The following AOPEP variants were observed in gnomAD, a reference collection of about 807,000 sequenced individuals.
AOPEP encodes the protein aminopeptidase O (putative).
Under a neutral mutation model 98.1 loss-of-function variants are expected in AOPEP, and 77 were observed. The ratio of observed to expected loss-of-function variants is 0.78; its 90% CI spans 0.65 to 0.95. The LOEUF is 0.95. AOPEP is among the 40% of genes least tolerant of loss of function. The pLI is 0.00. For missense variants in AOPEP, 1,024 were observed against 1,024.7 expected, an observed-to-expected ratio of 1.00 and a Z score of 0.01; for synonymous variants, 346 against 365.3, an observed-to-expected ratio of 0.95 and a Z score of 0.60.
intron 11 of AOPEP, among the ~76,000 whole-genome samples, chr9:94,983,926 T>C (rs1483841080): frequency 6.6e-6 from 1 of 151,430 alleles, no homozygotes; most frequent in Admixed American, 6.6e-5. Flanking sequence ...CTTATCTCTT[T>C]TGGGCCTTGC....
chr9:94,936,411 A>C (rs538204873), intron 7 of AOPEP, among the ~76,000 whole-genome samples: 1 of 152,180 alleles, frequency 6.6e-6, no homozygotes, highest in South Asian at 2.1e-4. Context: ...GCCAACATAA[A>C]TTTATCTTCC....
At chr9:94,774,591 G>A (rs1841668592) in intron 3 of AOPEP, among the ~76,000 whole-genome samples, 1 of 151,814 alleles carries the variant, frequency 6.6e-6, no homozygotes, top group Non-Finnish European at 1.5e-5. Context: ...TTTTAACATT[G>A]GCACAATATT....
At chr9:94,907,827 C>A (rs2051395634) in intron 5 of AOPEP, among the ~76,000 whole-genome samples, 1 of 152,158 alleles carries the variant, frequency 6.6e-6, no homozygotes, top group Admixed American at 6.5e-5. Flanking sequence ...GGCTACCCTG[C>A]AAATTTAAGG....
intron 3 of AOPEP, among the ~76,000 whole-genome samples, chr9:94,785,297 T>C (rs989243564): frequency 1.3e-5 from 2 of 152,248 alleles, no homozygotes; most frequent in African/African-American, 4.8e-5. Context: ...AGTTCTGTTA[T>C]AGCTGCAAAA....
intron 1 of AOPEP, among the ~76,000 whole-genome samples, chr9:94,729,186 TTA>T (rs1360794279): frequency 6.6e-6 from 1 of 152,144 alleles, no homozygotes; most frequent in East Asian, 1.9e-4. Context: ...AGGTTTGGTT[TTA>T]TAAAAGTTCT....
At chr9:94,954,473 C>T (rs933011674) in intron 7 of AOPEP, among the ~76,000 whole-genome samples, 11 of 152,114 alleles carry the variant, frequency 7.2e-5, no homozygotes, top group African/African-American at 2.6e-4. Context: ...GAAAAAATCG[C>T]AAAAAAATCT....
chr9:94,791,213 A>G (rs1845638857), intron 3 of AOPEP, among the ~76,000 whole-genome samples: 1 of 152,220 alleles, frequency 6.6e-6, no homozygotes, highest in Non-Finnish European at 1.5e-5. Flanking sequence ...GCTGGAGGTC[A>G]TTATCCTAAG....
At chr9:95,143,021 T>C in the AOPEP span, among the ~76,000 whole-genome samples, 1 of 152,172 alleles carries the variant, frequency 6.6e-6, no homozygotes, top group African/African-American at 2.4e-5. Flanking sequence ...CAATCACAGG[T>C]CTAGGCCTCT....
At chr9:95,014,087 A>G (rs770539956) in intron 13 of AOPEP, among the ~76,000 whole-genome samples, 16 of 152,194 alleles carry the variant, frequency 1.1e-4, no homozygotes, top group Non-Finnish European at 1.9e-4. Context: ...TTATTTTACT[A>G]TCTTGTTATC....
chr9:94,862,526 T>G (rs974053543), intron 5 of AOPEP, among the ~76,000 whole-genome samples: 11 of 152,302 alleles, frequency 7.2e-5, no homozygotes, highest in Admixed American at 1.3e-4. Flanking sequence ...CTCTGTTCAT[T>G]ACTGAAACAG....
At chr9:94,898,538 CAGG>C (rs2049900554) in intron 5 of AOPEP, among the ~76,000 whole-genome samples, 1 of 151,840 alleles carries the variant, frequency 6.6e-6, no homozygotes. Flanking sequence ...CGCTTGAAGG[CAGG>C]AGAATCGCTT....
chr9:95,025,120 G>C (rs2063741796), intron 13 of AOPEP, among the ~76,000 whole-genome samples: 1 of 152,138 alleles, frequency 6.6e-6, no homozygotes, highest in African/African-American at 2.4e-5. Flanking sequence ...ATTCTCAATA[G>C]CTTTTCTACA....
chr9:95,092,748 C>T, the AOPEP span, among the ~76,000 whole-genome samples: 1 of 152,164 alleles, frequency 6.6e-6, no homozygotes, highest in African/African-American at 2.4e-5. Context: ...CAGAAAGTTC[C>T]TTTCTGCTCT....
At chr9:94,938,004 G>C (rs1262161179) in intron 7 of AOPEP, among the ~76,000 whole-genome samples, 3 of 152,126 alleles carry the variant, frequency 2.0e-5, no homozygotes, top group African/African-American at 7.2e-5. Flanking sequence ...CTCCCGAGTA[G>C]CTGGGACTAC....
chr9:94,890,288 C>T (rs1019044508), intron 5 of AOPEP, among the ~76,000 whole-genome samples: 33 of 151,544 alleles, frequency 2.2e-4, no homozygotes, highest in African/African-American at 6.1e-4. Flanking sequence ...CTGCAACCTC[C>T]GCCTCCTGGG....
At chr9:94,940,097 C>G (rs966740426) in intron 7 of AOPEP, among the ~76,000 whole-genome samples, 5 of 152,230 alleles carry the variant, frequency 3.3e-5, no homozygotes, top group African/African-American at 1.2e-4. Context: ...ATAAAGGATA[C>G]TCAAGCTTTA....
At chr9:95,114,606 G>A in the AOPEP span, 3 of 1,599,242 alleles carry the variant, frequency 1.9e-6, no homozygotes, top group East Asian at 4.5e-5. Flanking sequence ...AAGTAGATTT[G>A]GGAGTGGTCA....
chr9:94,841,574 G>A (rs968832366), intron 5 of AOPEP, among the ~76,000 whole-genome samples: 1 of 152,170 alleles, frequency 6.6e-6, no homozygotes, highest in Admixed American at 6.5e-5. Context: ...GTTTAGATGT[G>A]TGTTGTTTGA....
At chr9:95,054,310 C>T (rs912798636) in intron 13 of AOPEP, among the ~76,000 whole-genome samples, 2 of 152,114 alleles carry the variant, frequency 1.3e-5, no homozygotes, top group African/African-American at 4.8e-5. Context: ...ACACAAGGAT[C>T]CCACACATCT....
Sources: allele counts gnomAD v4.1 joint callset (sites outside exome capture counted in the v4.1 genomes callset), GRCh38; gene constraint gnomAD v4.1.1; transcripts MANE v1.5; gene names NCBI Gene and HGNC (gene_info 2026-07-23, HGNC 2026-07-21).